The following BCL2L11 variants were observed in gnomAD, a reference collection of about 807,000 sequenced individuals.
BCL2L11 encodes BCL2 like 11, also known as bcl-2-like protein 11.
A neutral mutation model predicts 20.6 loss-of-function variants in BCL2L11; 15 were observed. That is an observed-to-expected ratio of 0.73 (90% CI 0.49 to 1.12). The LOEUF is 1.12. Among genes scored for constraint, BCL2L11 ranks in the 50% most tolerant of loss-of-function variants. The probability of loss-of-function intolerance (pLI) is 0.00; values close to 1 mark genes in which losing one functional copy is unlikely to be tolerated. For synonymous variants in BCL2L11, 108 were observed against 92.8 expected (o/e 1.16, Z -0.94); for missense variants, 292 against 260.9 (o/e 1.12, Z -0.82).
chr2:111,122,009 A>C (rs1170416939), intron 1 of BCL2L11, among the ~76,000 whole-genome samples: 1 of 151,814 alleles, frequency 6.6e-6, no homozygotes, highest in African/African-American at 2.4e-5. Context: ...CTGTTGCCCC[A>C]GGGTTGGCGC....
intron 2 of BCL2L11, chr2:111,144,631 G>T (rs1268438830): frequency 7.5e-7 from 1 of 1,329,314 alleles, no homozygotes; most frequent in East Asian, 2.5e-5. Flanking sequence ...TAAAGAAGGA[G>T]ACTTACAGAG....
intron 2 of BCL2L11, among the ~76,000 whole-genome samples, chr2:111,144,996 CCT>C (rs540776290): frequency 1.3e-3 from 204 of 152,278 alleles, no homozygotes; most frequent in Non-Finnish European, 2.3e-3. Context: ...TGTGTAAAAT[CCT>C]CTCTCAGTTC....
chr2:111,122,430 G>A (rs1352200450), intron 1 of BCL2L11, among the ~76,000 whole-genome samples: 1 of 152,212 alleles, frequency 6.6e-6, no homozygotes, highest in South Asian at 2.1e-4. Context: ...CCACGACCAC[G>A]GCCAGAGCAG....
intron 2 of BCL2L11, among the ~76,000 whole-genome samples, chr2:111,136,071 G>A (rs1342136020): frequency 6.6e-6 from 1 of 152,176 alleles, no homozygotes; most frequent in Non-Finnish European, 1.5e-5. Context: ...GTGCTGTGGG[G>A]CTGCTGCCAG....
At chr2:111,122,055 G>A (rs539944012) in intron 1 of BCL2L11, among the ~76,000 whole-genome samples, 7 of 152,340 alleles carry the variant, frequency 4.6e-5, no homozygotes, top group East Asian at 3.9e-4. Flanking sequence ...CAGGGCGGAG[G>A]GTGTGAATTT....
intron 2 of BCL2L11, among the ~76,000 whole-genome samples, chr2:111,138,908 C>T (rs1004621442): frequency 1.3e-5 from 2 of 152,098 alleles, no homozygotes; most frequent in African/African-American, 4.8e-5. Flanking sequence ...CGACAGAAAG[C>T]CCCTGGTAGA....
intron 2 of BCL2L11, chr2:111,131,784 G>T (rs1376710118): frequency 6.6e-6 from 1 of 152,058 alleles, no homozygotes; most frequent in African/African-American, 2.4e-5. Context: ...TCCGTGCATG[G>T]TTACACTCCA....
chr2:111,146,937 A>G (rs1387797653), intron 2 of BCL2L11, among the ~76,000 whole-genome samples: 1 of 152,202 alleles, frequency 6.6e-6, no homozygotes, highest in Non-Finnish European at 1.5e-5. Flanking sequence ...TTTTAGGTTT[A>G]TAAATTCAGG....
At chr2:111,143,726 A>G (rs558688835) in intron 2 of BCL2L11, among the ~76,000 whole-genome samples, 5 of 152,278 alleles carry the variant, frequency 3.3e-5, no homozygotes, top group African/African-American at 1.2e-4. Context: ...GTCCTTGAGT[A>G]TAGGGATCAC....
intron 2 of BCL2L11, among the ~76,000 whole-genome samples, chr2:111,127,024 C>G (rs2072776844): frequency 6.6e-6 from 1 of 151,454 alleles, no homozygotes; most frequent in Non-Finnish European, 1.5e-5. Flanking sequence ...CCTTTTATGT[C>G]TCTGATTTTT....
At chr2:111,140,360 C>T (rs1377756939) in intron 2 of BCL2L11, among the ~76,000 whole-genome samples, 1 of 152,108 alleles carries the variant, frequency 6.6e-6, no homozygotes, top group Non-Finnish European at 1.5e-5. Flanking sequence ...GGGCCTTTTC[C>T]CCCCAAAATA....
chr2:111,121,137 G>A lies in BCL2L11; in HGVS notation c.-65G>A. The A allele has an allele frequency of 3.7e-6, 1 of 267,512 alleles. No individual in the cohort carries two copies. The highest frequency in any genetic ancestry group is 7.1e-6 in the Non-Finnish European group (1 of 141,732). 16.6% of individuals were successfully genotyped at this position (267,512 alleles called of 1,614,324 possible). A position where few individuals can be genotyped will look rare whatever the true frequency, so the allele number is the denominator to read the frequency against. Reference sequence around the variant, plus strand: ...GCCACCGCCTCGGCGCCCTTTCTTGGCCCTTGTTCCCCCAAATGTCTGACT... The same window carrying A: ...GCCACCGCCTCGGCGCCCTTTCTTGACCCTTGTTCCCCCAAATGTCTGACT... On this transcript the variant is annotated 5_prime_UTR_variant, in exon 1 of 4. Coordinates refer to ENST00000393256, the MANE Select transcript of BCL2L11 (RefSeq NM_138621.5).
intron 3 of BCL2L11, chr2:111,162,756 C>T (rs2078710558): frequency 6.6e-6 from 1 of 152,196 alleles, no homozygotes; most frequent in Admixed American, 6.5e-5. Context: ...TTACTTAGCC[C>T]ATCATAGCGT....
chr2:111,137,102 C>CA (rs2075034069), intron 2 of BCL2L11, among the ~76,000 whole-genome samples: 1 of 152,172 alleles, frequency 6.6e-6, no homozygotes, highest in Admixed American at 6.5e-5. Context: ...TTAGGGGGGA[C>CA]TTCTTACTAA....
intron 2 of BCL2L11, among the ~76,000 whole-genome samples, chr2:111,139,029 C>G (rs776604389): frequency 1.3e-5 from 2 of 152,124 alleles, no homozygotes; most frequent in Non-Finnish European, 2.9e-5. Context: ...AAGGAGCTGT[C>G]GTTCCAGGAG....
chr2:111,156,640 G>A (rs769005266), intron 3 of BCL2L11, among the ~76,000 whole-genome samples: 7 of 152,106 alleles, frequency 4.6e-5, no homozygotes, highest in Non-Finnish European at 7.4e-5. Flanking sequence ...AAACAAGCGC[G>A]TTCTGTTACT....
chr2:111,158,665 A>C (rs1170390096), intron 3 of BCL2L11, among the ~76,000 whole-genome samples: 2 of 152,204 alleles, frequency 1.3e-5, no homozygotes, highest in African/African-American at 4.8e-5. Context: ...ATTCCTCTGC[A>C]TCTCAGAGTT....
intron 1 of BCL2L11, chr2:111,123,320 C>T: frequency 3.0e-6 from 3 of 985,520 alleles, no homozygotes; most frequent in Non-Finnish European, 3.6e-6. Context: ...GGCCAGCCGC[C>T]TGCAATCGCT....
chr2:111,127,713 G>A (rs1462276752), intron 2 of BCL2L11, among the ~76,000 whole-genome samples: 1 of 152,124 alleles, frequency 6.6e-6, no homozygotes, highest in Non-Finnish European at 1.5e-5. Context: ...GGTTTGCCAC[G>A]TAGTGGTGAC....
Sources: allele counts gnomAD v4.1 joint callset (sites outside exome capture counted in the v4.1 genomes callset), GRCh38; gene constraint gnomAD v4.1.1; transcripts MANE v1.5; gene names NCBI Gene and HGNC (gene_info 2026-07-23, HGNC 2026-07-21).